ABR: variants seen among roughly 807,000 people sequenced by gnomAD.
ABR encodes ABR activator of RhoGEF and GTPase.
ABR carries 35 observed loss-of-function variants against 107.2 expected under a neutral mutation model. That is an observed-to-expected ratio of 0.33 (90% CI 0.25 to 0.43). ABR has a LOEUF of 0.43. Among genes scored for constraint, ABR ranks in the 20% least tolerant of loss-of-function variants. ABR has a pLI of 1.00. For synonymous variants in ABR, 498 were observed against 462.0 expected (o/e 1.08, Z -1.00); for missense variants, 815 against 1,115.2 (o/e 0.73, Z 3.83).
chr17:1,185,938 C>T (rs942012965), intron 1 of ABR, among the ~76,000 whole-genome samples: 7 of 151,934 alleles, frequency 4.6e-5, no homozygotes, highest in Admixed American at 2.0e-4. Context: ...TGGGTTCAAG[C>T]GATTCTCCTG....
chr17:1,079,376 T>C lies in ABR; in HGVS notation c.654A>G (p.Lys218=), dbSNP rs766827069. The change falls in exon 6 of 23, where the codon AAA becomes AAG. Residue 218 remains lysine (K), a synonymous_variant. Transcript: ENST00000302538. ...FQKISEELKV[K]GPKDSKDSHT... ...GGCTGTCCTTGGAGTCCTTGGGACC[T>C]TTCACTTTGAGTTCCTGCCAAAGGG... The C allele has an allele frequency of 1.2e-6, 2 of 1,613,234 alleles. No individual in the cohort carries two copies. The highest frequency in any genetic ancestry group is 1.3e-5 in the African/African-American group (1 of 74,902).
At chr17:1,188,161 C>T (rs116803446), upstream of ABR, among the ~76,000 whole-genome samples, 3,730 of 151,652 alleles carry the variant, frequency 0.025, 158 homozygotes, top group African/African-American at 0.085. Context: ...GAACTGAGAT[C>T]GTACCACTAA....
chr17:1,124,174 G>A (rs552526794), intron 2 of ABR, among the ~76,000 whole-genome samples: 147 of 152,212 alleles, frequency 9.7e-4, no homozygotes, highest in Non-Finnish European at 6.5e-4. Context: ...GAGGGTGGCC[G>A]GGGGGGCTGG....
intron 1 of ABR, chr17:1,228,716 C>A (rs2150777145): frequency 6.6e-6 from 1 of 150,776 alleles, no homozygotes; most frequent in South Asian, 2.1e-4. Flanking sequence ...GCCGCGGAGT[C>A]GGCCGGGAAG....
At position 1,045,083 on chromosome 17, in the gene ABR, T is replaced by C. The variant is rs191128735; in HGVS notation, c.1791+4967A>G. Among the ~76,000 whole-genome samples, 4 of 152,296 alleles carry C rather than the reference T, an allele frequency of 2.6e-5. No homozygotes were observed. The East Asian group carries it at 7.7e-4, about 29-fold the overall frequency. On this transcript the variant is annotated intron_variant, in intron 16 of 22. Transcript: ENST00000302538. ...AAATCTACATAAAAATGTGTATACC[T>C]CAAGAAGGGAAAAGGCACAGAATAA...
upstream of ABR, among the ~76,000 whole-genome samples, chr17:1,187,918 AAAT>A (rs1475711440): frequency 1.3e-5 from 2 of 150,690 alleles, no homozygotes; most frequent in Non-Finnish European, 3.0e-5. Context: ...TAAATAAATA[AAAT>A]ATTATCAAAT....
chr17:1,127,996 T>A (rs1034107085), intron 1 of ABR, among the ~76,000 whole-genome samples: 1 of 152,166 alleles, frequency 6.6e-6, no homozygotes, highest in Non-Finnish European at 1.5e-5. Flanking sequence ...TCCCTTTCCC[T>A]CTGAATCTCA....
At chr17:1,017,456 C>T (rs2071245831) in intron 16 of ABR, among the ~76,000 whole-genome samples, 1 of 146,368 alleles carries the variant, frequency 6.8e-6, no homozygotes, top group Non-Finnish European at 1.5e-5. Flanking sequence ...CTGGAGCGGC[C>T]ATGCCCTCTT....
At position 1,074,531 on chromosome 17, in the gene ABR, C is replaced by T. The variant is rs143843829; in HGVS notation, c.701-854G>A. Among the ~76,000 whole-genome samples, 886 of 152,394 alleles carry T rather than the reference C, an allele frequency of 5.8e-3. 7 individuals carry two copies. Among genetic ancestry groups the T allele is most frequent in the South Asian group, 0.013 (64 of 4,834 alleles). On this transcript the variant is annotated intron_variant, in intron 6 of 22. Transcript: ENST00000302538. ...TTTCCAGGAAGGGCAGCTCTCCAGACCTTATCATTCTCAGGCTCCTGGAGC... is the reference window on the plus strand; with the variant it reads ...TTTCCAGGAAGGGCAGCTCTCCAGATCTTATCATTCTCAGGCTCCTGGAGC...
At chr17:1,167,490 C>A (rs1034909087) in intron 1 of ABR, among the ~76,000 whole-genome samples, 2 of 152,154 alleles carry the variant, frequency 1.3e-5, no homozygotes, top group African/African-American at 2.4e-5. Flanking sequence ...AAGGCTGGTC[C>A]CCCGAGCGGA....
chr17:1,079,071 G>C, intron 6 of ABR: 1 of 1,433,606 alleles, frequency 7.0e-7, no homozygotes, highest in Non-Finnish European at 9.1e-7. Flanking sequence ...GGGGTAGGGA[G>C]GGAGGGAGCC....
intron 2 of ABR, among the ~76,000 whole-genome samples, chr17:1,119,744 C>T (rs115425867): frequency 1.9e-3 from 282 of 152,366 alleles, no homozygotes; most frequent in African/African-American, 6.5e-3. Flanking sequence ...GTAGGATCAG[C>T]GGCGGGGTGG....
chr17:1,086,061 G>A lies in ABR; in HGVS notation c.532-2434C>T, dbSNP rs1439791836. Among the ~76,000 whole-genome samples, 5 of 152,150 alleles carry A rather than the reference G, an allele frequency of 3.3e-5. No individual in the cohort carries two copies. In the East Asian group the frequency reaches 5.8e-4, roughly 18 times the overall value. On this transcript the variant is annotated intron_variant, in intron 4 of 22. Coordinates refer to ENST00000302538, the MANE Select transcript of ABR (RefSeq NM_021962.5). ...CTTGGGAGGACAAGGCAGGAGAATC[G>A]CTTGAACCCAGGAGGTGGAGGTTGC...
intron 2 of ABR, among the ~76,000 whole-genome samples, chr17:1,121,935 C>G (rs1469296791): frequency 6.6e-6 from 1 of 152,218 alleles, no homozygotes; most frequent in Non-Finnish European, 1.5e-5. Context: ...TGGAGTCTCG[C>G]TTTGTCACCC....
intron 2 of ABR, among the ~76,000 whole-genome samples, chr17:1,121,603 A>T (rs561729600): frequency 2.2e-3 from 286 of 131,714 alleles, no homozygotes; most frequent in Middle Eastern, 4.9e-3. Context: ...GTGGGATGGG[A>T]GCTGAGTCCC....
Position 1,200,800 on chromosome 17 carries a change from G to A in ABR, c.838+27993C>T, listed in dbSNP as rs867278891. Among the ~76,000 whole-genome samples, 8 of 152,110 alleles carry A rather than the reference G, an allele frequency of 5.3e-5. No individual in the cohort carries two copies. Among genetic ancestry groups the A allele is most frequent in the South Asian group, 2.1e-4 (1 of 4,826 alleles). ...GAACATGACCTGGGTTATCAGCACC[G>A]TCCAGGGACACCAGAGATAAAGCCT... On this transcript the variant is annotated intron_variant, in intron 1 of 22. Transcript: ENST00000574139. This position sits in a 1 kb window ranked among gnomAD's most constrained non-coding sequence, Gnocchi z 4.1.
intron 1 of ABR, among the ~76,000 whole-genome samples, chr17:1,196,190 G>A (rs867923274): frequency 5.3e-5 from 8 of 150,332 alleles, no homozygotes; most frequent in Middle Eastern, 3.3e-3. Context: ...GGCACTTTGG[G>A]AGGCCGAGGC....
chr17:1,188,868 G>A (rs1413389381), upstream of ABR, among the ~76,000 whole-genome samples: 1 of 152,162 alleles, frequency 6.6e-6, no homozygotes, highest in African/African-American at 2.4e-5. Flanking sequence ...GGTGCCTCTG[G>A]CTGCCCCTCC....
At position 1,057,956 on chromosome 17, in the gene ABR, A is replaced by C; in HGVS notation, c.1381+14T>G. ...CGGACATCATTGGGGAGCGTGGAAG[A>C]GGCAGGAATTTACCCTTCTTCTGTA... On this transcript the variant is annotated intron_variant, in intron 12 of 22. Coordinates refer to ENST00000302538, the MANE Select transcript of ABR (RefSeq NM_021962.5). The C allele has an allele frequency of 6.2e-7, 1 of 1,610,936 alleles. No individual in the cohort carries two copies. The highest frequency in any genetic ancestry group is 8.5e-7 in the Non-Finnish European group (1 of 1,177,330).
Sources: allele counts gnomAD v4.1 joint callset (sites outside exome capture counted in the v4.1 genomes callset), GRCh38; gene constraint gnomAD v4.1.1; non-coding constraint Gnocchi (gnomAD v3.1); transcripts MANE v1.5; gene names NCBI Gene and HGNC (gene_info 2026-07-23, HGNC 2026-07-21).